Variants in TMEM30A observed in about 807,000 individuals in gnomAD.
The protein encoded by TMEM30A is cell division cycle 50 P4-ATPase accessory subunit A, also known as cell cycle control protein 50A.
TMEM30A carries 24 observed loss-of-function variants against 38.2 expected under a neutral mutation model. The ratio of observed to expected loss-of-function variants is 0.63; its 90% CI spans 0.46 to 0.88. TMEM30A has a LOEUF of 0.88. TMEM30A is among the 40% of genes least tolerant of loss of function. TMEM30A has a pLI of 0.00. For missense variants in TMEM30A, 370 were observed against 458.6 expected (o/e 0.81, Z 1.77); for synonymous variants, 145 against 161.6 (o/e 0.90, Z 0.78).
chr6:75,260,196 G>T (rs1771938146), intron 4 of TMEM30A, among the ~76,000 whole-genome samples: 1 of 151,946 alleles, frequency 6.6e-6, no homozygotes, highest in Admixed American at 6.6e-5. Context: ...ACGAGGTCAG[G>T]AATACAAGAC....
In TMEM30A at chr6:75,280,437, A is replaced by T. The variant is rs183218484; in HGVS notation, c.237+3965T>A. Reference sequence around the variant, plus strand: ...CAAGAGAGAAAACAAATTTGCAACAATTTTTATTGATAAAATTCAAAATGC... The same window carrying T: ...CAAGAGAGAAAACAAATTTGCAACATTTTTTATTGATAAAATTCAAAATGC... On this transcript the variant is annotated intron_variant, in intron 1 of 6. Transcript: ENST00000230461. Among the ~76,000 whole-genome samples the T allele has an allele frequency of 4.2e-3, 646 of 152,250 alleles. 2 individuals are homozygous for T. Among genetic ancestry groups the T allele is most frequent in the Admixed American group, 6.2e-3 (95 of 15,296 alleles).
At chr6:75,277,280 TA>T in intron 1 of TMEM30A, among the ~76,000 whole-genome samples, 1 of 140,686 alleles carries the variant, frequency 7.1e-6, no homozygotes, top group South Asian at 2.3e-4. Context: ...GCAGAAGACT[TA>T]ATCTCAGATT....
chr6:75,256,805 T>C (rs1280349424), intron 6 of TMEM30A: 1 of 469,744 alleles, frequency 2.1e-6, no homozygotes, highest in African/African-American at 2.0e-5. Context: ...ACTTGCTGAT[T>C]TGGAGCAATG....
intron 1 of TMEM30A, among the ~76,000 whole-genome samples, chr6:75,280,464 A>G (rs1384027787): frequency 6.6e-6 from 1 of 152,114 alleles, no homozygotes; most frequent in East Asian, 1.9e-4. Flanking sequence ...TCAAAATGCA[A>G]CAATAATATG....
chr6:75,266,869 T>G (rs1772077136), intron 2 of TMEM30A, among the ~76,000 whole-genome samples: 1 of 152,190 alleles, frequency 6.6e-6, no homozygotes, highest in Non-Finnish European at 1.5e-5. Context: ...AAAAGCAGCA[T>G]GATCCTGTCC....
chr6:75,258,080 C>T (rs985463827), intron 6 of TMEM30A, among the ~76,000 whole-genome samples: 1 of 152,128 alleles, frequency 6.6e-6, no homozygotes, highest in Non-Finnish European at 1.5e-5. Context: ...AAAATTATGG[C>T]CTTTGGAGTC....
At chr6:75,272,827 G>A (rs1156280636) in intron 1 of TMEM30A, 1 of 152,128 alleles carries the variant, frequency 6.6e-6, no homozygotes, top group African/African-American at 2.4e-5. Flanking sequence ...AAGGATGCAG[G>A]GCTCCACCTC....
At chr6:75,258,701 A>G in intron 6 of TMEM30A, 79 bp downstream of exon 6, 2 of 1,271,408 alleles carry the variant, frequency 1.6e-6, no homozygotes, top group Non-Finnish European at 2.2e-6. Context: ...ACAAGGTAAC[A>G]TGCCACATAA....
In TMEM30A at chr6:75,284,513, C is replaced by G; in HGVS notation, c.126G>C (p.Gln42His). 1 of 1,611,094 alleles carries G rather than the reference C, an allele frequency of 6.2e-7. No individual in the cohort carries two copies. Among genetic ancestry groups the G allele is most frequent in the Non-Finnish European group, 8.5e-7 (1 of 1,178,270 alleles). ...AFKQQRLPAW[Q>H]PILTAGTVLP... ...GCACCGTGCCAGCCGTAAGGATGGG[C>G]TGCCAAGCTGGCAGCCGTTGCTGTT... Residue 42 changes from glutamine (Q) to histidine (H), a missense_variant, in exon 1 of 7, where the codon CAG (glutamine) becomes CAC (histidine). Gln to His is a conservative substitution (Grantham distance 24). Transcript: ENST00000230461.
chr6:75,283,423 G>T (rs1387226151), intron 1 of TMEM30A, among the ~76,000 whole-genome samples: 1 of 151,846 alleles, frequency 6.6e-6, no homozygotes, highest in African/African-American at 2.4e-5. Context: ...TCTCAGATAT[G>T]CAAGAAAAGA....
At chr6:75,282,914 A>G (rs1040714944) in intron 1 of TMEM30A, among the ~76,000 whole-genome samples, 29 of 152,306 alleles carry the variant, frequency 1.9e-4, no homozygotes, top group African/African-American at 5.5e-4. Flanking sequence ...ACCCCAGCCA[A>G]TGCCCATGTT....
Position 75,265,248 on chromosome 6 carries a change from C to T in TMEM30A, c.436G>A (p.Asp146Asn), listed in dbSNP as rs768389582. 6.2e-7 allele frequency: 1 copy of T among 1,605,150 alleles called. No individual in the cohort carries two copies. The highest frequency in any genetic ancestry group is 1.7e-5 in the Admixed American group (1 of 59,726). Reference sequence around the variant, plus strand: ...TTACTTACAAGCAAAGCACTAGAATCTCCATTTAGTTGACTATCATCTCGA... The same window carrying T: ...TTACTTACAAGCAAAGCACTAGAATTTCCATTTAGTTGACTATCATCTCGA... ...KSRDDSQLNG[D>N]SSALLNPSKE... is the part of the protein sequence containing the mutation. Residue 146 changes from aspartate to asparagine, a missense_variant, in exon 3 of 7, where the codon GAT becomes AAT. Coordinates refer to ENST00000230461, the MANE Select transcript of TMEM30A (RefSeq NM_018247.4).
chr6:75,273,843 A>C (rs1368526600), intron 1 of TMEM30A, among the ~76,000 whole-genome samples: 2 of 152,240 alleles, frequency 1.3e-5, no homozygotes, highest in African/African-American at 4.8e-5. Flanking sequence ...AATACCATTC[A>C]GATGACCAAA....
chr6:75,256,399 T>C (rs1771868097), intron 6 of TMEM30A, 104 bp from the exon 7 acceptor site: 1 of 973,376 alleles, frequency 1.0e-6, no homozygotes, highest in East Asian at 2.5e-5. Context: ...TGTGTAATTC[T>C]AGGATATACA....
intron 1 of TMEM30A, among the ~76,000 whole-genome samples, chr6:75,276,301 A>T (rs1365482657): frequency 6.6e-6 from 1 of 152,252 alleles, no homozygotes; most frequent in African/African-American, 2.4e-5. Context: ...CCGCTCTAGC[A>T]AATAAAGCAA....
intron 3 of TMEM30A, among the ~76,000 whole-genome samples, chr6:75,262,943 C>G (rs969462759): frequency 6.6e-6 from 1 of 152,216 alleles, no homozygotes; most frequent in Admixed American, 6.5e-5. Flanking sequence ...AGTCATGCTC[C>G]CTGCCTTCAT....
At chr6:75,272,236 AAAC>A (rs1772185091) in intron 1 of TMEM30A, among the ~76,000 whole-genome samples, 1 of 152,244 alleles carries the variant, frequency 6.6e-6, no homozygotes, top group African/African-American at 2.4e-5. Context: ...TTTAAAAATA[AAAC>A]AATAGACACT....
chr6:75,266,409 T>C (rs1482636309), intron 2 of TMEM30A, among the ~76,000 whole-genome samples: 1 of 152,208 alleles, frequency 6.6e-6, no homozygotes, highest in Admixed American at 6.5e-5. Flanking sequence ...ATGAATATTC[T>C]TTTTTAAAAG....
chr6:75,256,854 G>A (rs1037026843), intron 6 of TMEM30A: 5 of 443,128 alleles, frequency 1.1e-5, no homozygotes, highest in Non-Finnish European at 1.8e-5. Flanking sequence ...AGCTAACAGT[G>A]GCAGTGAAGG....
Sources: gnomAD v4.1 joint callset for allele counts (sites outside exome capture counted in the v4.1 genomes callset) on GRCh38, gnomAD v4.1.1 for gene constraint, MANE v1.5 for transcripts, NCBI Gene and HGNC (gene_info 2026-07-23, HGNC 2026-07-21) for gene names.